ENPP2: variants seen among roughly 807,000 people sequenced by gnomAD.
The protein encoded by ENPP2 is autotaxin.
Under a neutral mutation model 120.2 loss-of-function variants are expected in ENPP2, and 51 were observed. That is an observed-to-expected ratio of 0.42 (90% confidence interval 0.34 to 0.54). ENPP2 has a LOEUF of 0.54. Among genes scored for constraint, ENPP2 ranks in the 20% least tolerant of loss-of-function variants. The pLI is 0.04. For missense variants in ENPP2, 920 were observed against 1,066.5 expected (o/e 0.86, Z 1.91); for synonymous variants, 365 against 366.4 (o/e 1.00, Z 0.04).
intron 23 of ENPP2, among the ~76,000 whole-genome samples, chr8:119,563,597 G>C (rs889609836): frequency 6.6e-6 from 1 of 152,174 alleles, no homozygotes; most frequent in Non-Finnish European, 1.5e-5. Context: ...TAAGGACCGA[G>C]TGCTAATGAT....
chr8:119,578,042 T>TTTG (rs1032208590), intron 19 of ENPP2, among the ~76,000 whole-genome samples: 27 of 152,250 alleles, frequency 1.8e-4, no homozygotes, highest in South Asian at 1.0e-3. Flanking sequence ...TGTGTGTTTT[T>TTTG]TTGTTGTTGT....
chr8:119,637,789 G>A (rs1014094407), intron 2 of ENPP2, among the ~76,000 whole-genome samples: 3 of 152,080 alleles, frequency 2.0e-5, no homozygotes, highest in African/African-American at 7.2e-5. Flanking sequence ...CACTACTTAT[G>A]GTGTAGTGTA....
At chr8:119,627,008 T>C (rs951599156) in intron 2 of ENPP2, among the ~76,000 whole-genome samples, 2 of 152,032 alleles carry the variant, frequency 1.3e-5, no homozygotes, top group Non-Finnish European at 2.9e-5. Flanking sequence ...ATAGAAAGAG[T>C]AACAAGTGTT....
intron 11 of ENPP2, among the ~76,000 whole-genome samples, chr8:119,598,337 T>G (rs1287146181): frequency 1.3e-5 from 2 of 152,124 alleles, no homozygotes; most frequent in Non-Finnish European, 2.9e-5. Flanking sequence ...AGTAGGCATA[T>G]GAAAATACCC....
intron 2 of ENPP2, 67 bp from the exon 3 acceptor site, chr8:119,626,787 T>A: frequency 7.0e-7 from 1 of 1,428,412 alleles, no homozygotes; most frequent in Non-Finnish European, 9.8e-7. Context: ...AAGGTGGCAC[T>A]GGGAAGCTGT....
At chr8:119,581,156 C>G (rs913918567) in intron 18 of ENPP2, 3 of 151,364 alleles carry the variant, frequency 2.0e-5, no homozygotes, top group African/African-American at 7.3e-5. Flanking sequence ...ATCCCAGCTA[C>G]TCAGGAGGCT....
intron 19 of ENPP2, among the ~76,000 whole-genome samples, chr8:119,576,941 A>G (rs1812382042): frequency 6.6e-6 from 1 of 152,220 alleles, no homozygotes; most frequent in Admixed American, 6.5e-5. Flanking sequence ...ATTTGATTCC[A>G]TAACAGTTTA....
intron 11 of ENPP2, among the ~76,000 whole-genome samples, chr8:119,599,578 A>T (rs1814140656): frequency 6.6e-6 from 1 of 152,198 alleles, no homozygotes; most frequent in Admixed American, 6.5e-5. Flanking sequence ...AAACTCCATC[A>T]TATTTTTTAC....
Position 119,593,806 on chromosome 8 carries a change from G to C in ENPP2, c.1027C>G (p.Leu343Val). 1 of 1,613,536 alleles carries C rather than the reference G, an allele frequency of 6.2e-7. No individual in the cohort carries two copies. Among genetic ancestry groups the C allele is most frequent in the Non-Finnish European group, 8.5e-7 (1 of 1,179,472 alleles). Residue 343 changes from leucine (L) to valine (V), a missense_variant, in exon 12 of 25, where the codon CTG becomes GTG. Coordinates refer to ENST00000075322, the MANE Select transcript of ENPP2 (RefSeq NM_001040092.3). ...DKIVGQLMDG[L>V]KQLKLHRCVN... is the part of the protein sequence containing the mutation. Reference sequence around the variant, plus strand: ...CACCGATGCAGTTTTAGTTGTTTCAGTCCATCCATTAATTGCCCCACAATT... The same window carrying C: ...CACCGATGCAGTTTTAGTTGTTTCACTCCATCCATTAATTGCCCCACAATT...
intron 3 of ENPP2, among the ~76,000 whole-genome samples, chr8:119,624,439 CAT>C (rs1816127882): frequency 6.6e-6 from 1 of 151,946 alleles, no homozygotes; most frequent in Admixed American, 6.6e-5. Flanking sequence ...TTAGTAGAAA[CAT>C]AAACTTTCAG....
chr8:119,592,979 T>C (rs1221247640), intron 12 of ENPP2: 1 of 982,554 alleles, frequency 1.0e-6, no homozygotes, highest in Non-Finnish European at 1.2e-6. Context: ...CGAACTCCAC[T>C]AGAAGGGAGA....
intron 24 of ENPP2, among the ~76,000 whole-genome samples, chr8:119,558,356 C>T (rs545372403): frequency 1.3e-4 from 20 of 152,214 alleles, no homozygotes; most frequent in African/African-American, 4.3e-4. Context: ...CAGTTTCTTC[C>T]TTGGTTCACA....
intron 1 of ENPP2, among the ~76,000 whole-genome samples, chr8:119,668,054 G>A (rs1006017131): frequency 6.6e-6 from 1 of 152,064 alleles, no homozygotes; most frequent in Admixed American, 6.5e-5. Context: ...CCTAAAGAAT[G>A]TTTACCCTGG....
In ENPP2 at chr8:119,647,869, G is replaced by C. The variant is rs529981757; in HGVS notation, c.22-9342C>G. Among the ~76,000 whole-genome samples the C allele has an allele frequency of 3.9e-5, 6 of 152,312 alleles. No homozygotes were observed. The South Asian group carries it at 1.2e-3, about 32-fold the overall frequency. On this transcript the variant is annotated intron_variant, in intron 1 of 25. Transcript: ENST00000427067. ...AAAATACAAAAATTAGCTGGGCATGGTGGTGGGCGCCTGTAATCCCGGCTA... is the reference window on the plus strand; with the variant it reads ...AAAATACAAAAATTAGCTGGGCATGCTGGTGGGCGCCTGTAATCCCGGCTA...
At chr8:119,611,656 G>A (rs1325897468) in intron 8 of ENPP2, among the ~76,000 whole-genome samples, 5 of 152,154 alleles carry the variant, frequency 3.3e-5, no homozygotes, top group African/African-American at 7.2e-5. Context: ...TTGGGTCTTC[G>A]AAACAGAAAT....
chr8:119,598,265 C>A (rs1814043234), intron 11 of ENPP2, among the ~76,000 whole-genome samples: 1 of 151,996 alleles, frequency 6.6e-6, no homozygotes, highest in Non-Finnish European at 1.5e-5. Context: ...AAGAAAATGA[C>A]CAGGTTATCA....
chr8:119,607,564 A>T (rs895340276), intron 9 of ENPP2, among the ~76,000 whole-genome samples: 2 of 152,020 alleles, frequency 1.3e-5, no homozygotes, highest in Non-Finnish European at 2.9e-5. Flanking sequence ...AATTCCAGCC[A>T]CTTGGGAGGC....
intron 4 of ENPP2, 103 bp from the exon 5 acceptor site, chr8:119,619,407 T>G: frequency 6.8e-6 from 5 of 730,946 alleles, no homozygotes; most frequent in Middle Eastern, 2.6e-4. Flanking sequence ...ACTTTCTTTA[T>G]GGGATATAAC....
chr8:119,612,458 C>A (rs1815177204), intron 8 of ENPP2, among the ~76,000 whole-genome samples: 1 of 152,142 alleles, frequency 6.6e-6, no homozygotes, highest in African/African-American at 2.4e-5. Context: ...TCTTCTTCTC[C>A]TGCTGTCTCT....
Sources: gnomAD v4.1 joint callset for allele counts (sites outside exome capture counted in the v4.1 genomes callset) on GRCh38, gnomAD v4.1.1 for gene constraint, MANE v1.5 for transcripts, NCBI Gene and HGNC (gene_info 2026-07-23, HGNC 2026-07-21) for gene names.